Variants in GABRG3 observed in about 807,000 individuals in gnomAD.
The protein encoded by GABRG3 is gamma-aminobutyric acid type A receptor subunit gamma3, also known as gamma-aminobutyric acid receptor subunit gamma-3.
GABRG3 carries 25 observed loss-of-function variants against 48.8 expected under a neutral mutation model. The observed-to-expected ratio is 0.51, with a 90% CI of 0.37 to 0.72. The LOEUF (loss-of-function observed/expected upper bound fraction) is 0.72. Ranked by LOEUF, GABRG3 falls within the 30% of genes least tolerant of loss-of-function variation. The probability of loss-of-function intolerance (pLI) is 0.00; values close to 1 mark genes in which losing one functional copy is unlikely to be tolerated. For missense variants in GABRG3, 394 were observed against 577.9 expected (o/e 0.68, Z 3.26); for synonymous variants, 227 against 217.6 (o/e 1.04, Z -0.38).
chr15:26,977,538 T>C (rs1158767015), intron 2 of GABRG3, among the ~76,000 whole-genome samples: 2 of 152,248 alleles, frequency 1.3e-5, no homozygotes, highest in Non-Finnish European at 2.9e-5. Context: ...TTTTATTTAT[T>C]TTTTTGTCAT....
At chr15:27,423,217 C>CAA (rs112058241) in intron 5 of GABRG3, among the ~76,000 whole-genome samples, 844 of 16,534 alleles carry the variant, frequency 0.051, 10 homozygotes, top group African/African-American at 0.11. Context: ...CCCAGGTATA[C>CAA]AAAAAAAAAA....
At position 27,227,867 on chromosome 15, in the gene GABRG3, A is replaced by C. The variant is rs74553182; in HGVS notation, c.271-98942A>C. ...CAGCCTACCCAGCATGTTTTTCTTC[A>C]TCATCTTGATACATCACATGAAACT... On this transcript the variant is annotated intron_variant, in intron 3 of 9. Transcript: ENST00000615808. 2.5e-3 allele frequency among the ~76,000 whole-genome samples: 380 copies of C among 152,326 alleles called. 1 individual carries two copies. The highest frequency in any genetic ancestry group is 8.5e-3 in the African/African-American group (354 of 41,576).
intron 2 of GABRG3, among the ~76,000 whole-genome samples, chr15:27,024,130 A>G (rs1895944613): frequency 6.6e-6 from 1 of 151,976 alleles, no homozygotes; most frequent in South Asian, 2.1e-4. Context: ...ATGTCTATTT[A>G]CGTTTTTTTG....
chr15:27,260,263 C>G (rs1474046708), intron 3 of GABRG3, among the ~76,000 whole-genome samples: 1 of 152,156 alleles, frequency 6.6e-6, no homozygotes, highest in African/African-American at 2.4e-5. Flanking sequence ...CCTCACATGG[C>G]CTTTTCTTAC....
rs1555405976 is a variant in GABRG3, at chr15:27,145,603, C to CTATA, written c.270+118783_270+118784insATAT. ...ACTAGGCATATATACATATATCTAT[C>CTATA]TCTATCTATCTATCTATCTATCTAT... On this transcript the variant is annotated intron_variant, in intron 3 of 9. Transcript: ENST00000615808. Among the ~76,000 whole-genome samples, 4 of 102,388 alleles carry CTATA rather than the reference C, an allele frequency of 3.9e-5. No homozygotes were observed. In the South Asian group the frequency reaches 1.3e-3, roughly 33 times the overall value. 67.2% of individuals were successfully genotyped at this position (102,388 alleles called of 152,430 possible).
intron 3 of GABRG3, among the ~76,000 whole-genome samples, chr15:27,182,739 C>T (rs1458401768): frequency 1.3e-5 from 2 of 152,118 alleles, no homozygotes; most frequent in African/African-American, 4.8e-5. Flanking sequence ...GTGCTGTGCG[C>T]TCGCTGAATT....
At chr15:27,388,308 G>A (rs1364097324) in intron 5 of GABRG3, among the ~76,000 whole-genome samples, 5 of 36,948 alleles carry the variant, frequency 1.4e-4, no homozygotes, top group East Asian at 1.6e-3. Context: ...AGGAAGGAAA[G>A]GGAGGGAGGG....
At chr15:27,335,731 G>T (rs895416616) in intron 5 of GABRG3, among the ~76,000 whole-genome samples, 3 of 152,122 alleles carry the variant, frequency 2.0e-5, no homozygotes, top group Non-Finnish European at 4.4e-5. Flanking sequence ...GCAGGTTCTG[G>T]AAATAGAGTG....
At chr15:27,097,820 G>C (rs1897290013) in intron 3 of GABRG3, among the ~76,000 whole-genome samples, 1 of 152,100 alleles carries the variant, frequency 6.6e-6, no homozygotes, top group African/African-American at 2.4e-5. Flanking sequence ...ATGTCATACT[G>C]TCAAGGATTT....
At chr15:27,167,840 C>T (rs1887430148) in intron 3 of GABRG3, among the ~76,000 whole-genome samples, 1 of 152,136 alleles carries the variant, frequency 6.6e-6, no homozygotes. Flanking sequence ...AGTGGCTGCA[C>T]CCCATGGCAG....
intron 3 of GABRG3, among the ~76,000 whole-genome samples, chr15:27,181,342 A>G (rs984595993): frequency 6.6e-6 from 1 of 152,124 alleles, no homozygotes. Flanking sequence ...ACCCATGCAC[A>G]CCTTTATTTG....
Position 27,189,951 on chromosome 15 carries a change from A to G in GABRG3, c.271-136858A>G, listed in dbSNP as rs1201371421. Among the ~76,000 whole-genome samples the G allele has an allele frequency of 3.5e-4, 54 of 152,262 alleles. 1 individual carries two copies. In the East Asian group the frequency reaches 9.7e-3, roughly 27 times the overall value. On this transcript the variant is annotated intron_variant, in intron 3 of 9. Coordinates refer to ENST00000615808, the MANE Select transcript of GABRG3 (RefSeq NM_033223.5). Reference sequence around the variant, plus strand: ...TTAGCATGAAGTGTTGTTGAATTTTATCAAAGGCCTTTTCTGCATCTATTG... The same window carrying G: ...TTAGCATGAAGTGTTGTTGAATTTTGTCAAAGGCCTTTTCTGCATCTATTG...
chr15:27,070,718 G>A (rs1285020888), intron 3 of GABRG3, among the ~76,000 whole-genome samples: 1 of 152,176 alleles, frequency 6.6e-6, no homozygotes, highest in Non-Finnish European at 1.5e-5. Context: ...AAGGCATTTG[G>A]GAAGCCAGAA....
chr15:27,178,351 C>A (rs1030975416), intron 3 of GABRG3, among the ~76,000 whole-genome samples: 3 of 152,118 alleles, frequency 2.0e-5, no homozygotes, highest in Non-Finnish European at 2.9e-5. Flanking sequence ...TTGACAAAAA[C>A]TCTGCAAGGA....
In GABRG3 at chr15:27,167,178, A is replaced by C. The variant is rs933914311; in HGVS notation, c.270+140357A>C. ...GCCTGGGTGAATGGTTGAAGGGATG[A>C]CTGCAGATAGCCCATGCCCGAGGTC... On this transcript the variant is annotated intron_variant, in intron 3 of 9. Coordinates refer to ENST00000615808, the MANE Select transcript of GABRG3 (RefSeq NM_033223.5). 9.9e-5 allele frequency among the ~76,000 whole-genome samples: 15 copies of C among 152,128 alleles called. 1 individual carries two copies. Among genetic ancestry groups the C allele is most frequent in the African/African-American group, 3.4e-4 (14 of 41,440 alleles).
chr15:27,479,021 G>C (rs543164382), intron 5 of GABRG3, among the ~76,000 whole-genome samples: 3 of 152,040 alleles, frequency 2.0e-5, no homozygotes, highest in Admixed American at 6.5e-5. Flanking sequence ...GGCAGGAAAG[G>C]GGGGAAAAGG....
intron 3 of GABRG3, among the ~76,000 whole-genome samples, chr15:27,140,812 G>A (rs940011312): frequency 1.3e-5 from 2 of 151,994 alleles, no homozygotes; most frequent in Admixed American, 6.6e-5. Flanking sequence ...GCTGTATGTT[G>A]TTTATTCATC....
chr15:27,030,971 T>C (rs1037307149), intron 3 of GABRG3, among the ~76,000 whole-genome samples: 1 of 152,100 alleles, frequency 6.6e-6, no homozygotes, highest in Non-Finnish European at 1.5e-5. Flanking sequence ...TTAAAAGAAT[T>C]AAATTAATAA....
intron 5 of GABRG3, among the ~76,000 whole-genome samples, chr15:27,374,776 C>T (rs1895537111): frequency 6.6e-6 from 1 of 152,172 alleles, no homozygotes; most frequent in South Asian, 2.1e-4. Flanking sequence ...GGTTTGTCCT[C>T]CAACTCAGTT....
Sources: gnomAD v4.1 joint callset for allele counts (sites outside exome capture counted in the v4.1 genomes callset) on GRCh38, gnomAD v4.1.1 for gene constraint, MANE v1.5 for transcripts, NCBI Gene and HGNC (gene_info 2026-07-23, HGNC 2026-07-21) for gene names.